Variants in KCNN1 observed in about 807,000 individuals in gnomAD.
KCNN1 encodes potassium calcium-activated channel subfamily N member 1.
KCNN1 carries 20 observed loss-of-function variants against 44.7 expected under a neutral mutation model. That is an observed-to-expected ratio of 0.45 (90% CI 0.32 to 0.65). KCNN1 has a LOEUF of 0.65. KCNN1 is among the 30% of genes least tolerant of loss of function. KCNN1 has a pLI of 0.05. For missense variants in KCNN1, 632 were observed against 785.3 expected (o/e 0.80, Z 2.33); for synonymous variants, 324 against 341.7 (o/e 0.95, Z 0.57).
intron 9 of KCNN1, among the ~76,000 whole-genome samples, chr19:17,997,604 C>T (rs1042101467): frequency 1.3e-5 from 2 of 151,300 alleles, no homozygotes; most frequent in South Asian, 2.1e-4. Flanking sequence ...TCATCCCCCC[C>T]GAGTAGCGGG....
chr19:17,952,684 C>T (rs1251278328), intron 1 of KCNN1, among the ~76,000 whole-genome samples: 1 of 152,182 alleles, frequency 6.6e-6, no homozygotes, highest in African/African-American at 2.4e-5. Context: ...GTTGCCCCCT[C>T]CTCCCTCTCT....
intron 1 of KCNN1, among the ~76,000 whole-genome samples, chr19:17,953,556 A>G (rs1489089063): frequency 2.0e-5 from 3 of 152,156 alleles, no homozygotes; most frequent in Non-Finnish European, 4.4e-5. Flanking sequence ...ATGTGCTTCT[A>G]TAAGCCCTCT....
intron 5 of KCNN1, among the ~76,000 whole-genome samples, chr19:17,986,034 A>G (rs1287259299): frequency 5.3e-5 from 8 of 151,422 alleles, no homozygotes; most frequent in Admixed American, 5.3e-4. Context: ...GTTTGAGATC[A>G]GCCTGTGACC....
upstream of KCNN1, among the ~76,000 whole-genome samples, chr19:17,962,998 G>GCCACCAC (rs1489465383): frequency 1.5e-5 from 2 of 132,802 alleles, no homozygotes; most frequent in African/African-American, 3.0e-5. Context: ...ACCACGCCCA[G>GCCACCAC]GCTTTTTTTT....
At chr19:17,992,967 G>A in intron 7 of KCNN1, 87 bp from the exon 8 acceptor site, 1 of 1,549,084 alleles carries the variant, frequency 6.5e-7, no homozygotes, top group Non-Finnish European at 8.8e-7. Context: ...TCCCCGGGAG[G>A]TGGGCAGGGT....
intron 1 of KCNN1, chr19:17,952,286 T>G (rs1011646233): frequency 7.9e-5 from 12 of 152,128 alleles, no homozygotes; most frequent in African/African-American, 2.9e-4. Flanking sequence ...TGCACTTGTC[T>G]TCGCGCTCGG....
At chr19:17,989,904 G>C in intron 7 of KCNN1, 61 bp downstream of exon 7, 2 of 1,609,842 alleles carry the variant, frequency 1.2e-6, no homozygotes, top group Non-Finnish European at 1.7e-6. Flanking sequence ...GGCAGCCCTC[G>C]CAGCTCTGTG....
Position 17,957,280 on chromosome 19 carries a change from AAG to A in KCNN1, c.-82+2608_-82+2609del, listed in dbSNP as rs535551548. Among the ~76,000 whole-genome samples, 398 of 121,452 alleles carry A rather than the reference AAG, an allele frequency of 3.3e-3. 3 individuals are homozygous for A. Among genetic ancestry groups the A allele is most frequent in the Non-Finnish European group, 5.9e-3 (335 of 56,768 alleles). 79.7% of individuals were successfully genotyped at this position (121,452 alleles called of 152,430 possible). A position where few individuals can be genotyped will look rare whatever the true frequency, so the allele number is the denominator to read the frequency against. On this transcript the variant is annotated intron_variant, in intron 2 of 10. Transcript: ENST00000222249. ...AGGGAAAGGGGAAAGGGAAAGGGAG[AAG>A]AGAGAGAGGGAGGGTAGGAGGGAGG...
Position 17,985,458 on chromosome 19 carries a change from G to C in KCNN1, c.1059+5G>C, listed in dbSNP as rs2032564303. On this transcript the variant is annotated splice_donor_5th_base_variant and intron_variant, in intron 5 of 9. Transcript: ENST00000684775. ...TGCCTGCTCACTGGCATCATGGTAA[G>C]GGTGAGGGTCCATGTGTATGATCCT... is the stretch of plus-strand genomic sequence containing the variant. 6.3e-7 allele frequency: 1 copy of C among 1,578,752 alleles called. No homozygotes were observed. The highest frequency in any genetic ancestry group is 1.3e-5 in the African/African-American group (1 of 74,178).
At chr19:17,956,594 T>TA (rs2031548688) in intron 2 of KCNN1, among the ~76,000 whole-genome samples, 2 of 151,148 alleles carry the variant, frequency 1.3e-5, no homozygotes, top group Non-Finnish European at 2.9e-5. Flanking sequence ...TTTTTTTTTT[T>TA]AAATTAACCA....
intron 4 of KCNN1, among the ~76,000 whole-genome samples, chr19:17,984,056 G>A (rs1173579371): frequency 6.6e-6 from 1 of 151,920 alleles, no homozygotes; most frequent in Non-Finnish European, 1.5e-5. Context: ...CCAGCTACTC[G>A]GGAGGCTGAA....
rs1010394918 is a variant in KCNN1 at position 17,967,301 on chromosome 19, C to T, written c.-98C>T. The T allele has an allele frequency of 4.1e-6, 4 of 985,236 alleles. No homozygotes were observed. The highest frequency in any genetic ancestry group is 6.2e-5 in the Admixed American group (1 of 16,254). 61.0% of individuals were successfully genotyped at this position (985,236 alleles called of 1,614,324 possible). The stretch of plus-strand genomic sequence containing the variant: ...TCCCCTCCAGCCTTGTCCGCCCGCT[C>T]GGGCCGAGCCCCGCAGGTACAGGGT... On this transcript the variant is annotated 5_prime_UTR_variant, in exon 1 of 10. Transcript: ENST00000684775.
At chr19:17,966,306 G>C (rs1490343250), upstream of KCNN1, among the ~76,000 whole-genome samples, 1 of 152,214 alleles carries the variant, frequency 6.6e-6, no homozygotes, top group Non-Finnish European at 1.5e-5. Context: ...GGTGGGAACA[G>C]GGTGAGGCAG....
At chr19:17,989,022 G>T (rs77939423) in intron 6 of KCNN1, among the ~76,000 whole-genome samples, 1,875 of 152,240 alleles carry the variant, frequency 0.012, 36 homozygotes, top group African/African-American at 0.042. Flanking sequence ...GTCCAGCCAT[G>T]AGCATTCAGT....
rs760148145 is a variant in KCNN1 at position 17,973,841 on chromosome 19, G to A, written c.-48G>A. ...AGGAGCCCAGCCGCTGAGCCATGCCGGGCCCCGGGCGGCCTGCAGCGAGCC... is the reference window on the plus strand; with the variant it reads ...AGGAGCCCAGCCGCTGAGCCATGCCAGGCCCCGGGCGGCCTGCAGCGAGCC... On this transcript the variant is annotated 5_prime_UTR_variant, in exon 2 of 10. Transcript: ENST00000684775. 35 of 1,538,136 alleles carry A rather than the reference G, an allele frequency of 2.3e-5. No homozygotes were observed. Among genetic ancestry groups the A allele is most frequent in the Middle Eastern group, 1.7e-4 (1 of 5,978 alleles).
chr19:17,970,679 G>C (rs974291307), intron 1 of KCNN1, among the ~76,000 whole-genome samples: 3 of 151,970 alleles, frequency 2.0e-5, no homozygotes, highest in African/African-American at 7.3e-5. Flanking sequence ...ACCCGCCTCA[G>C]CCTCCCAAAG....
intron 2 of KCNN1, among the ~76,000 whole-genome samples, chr19:17,959,586 A>G (rs565314828): frequency 1.3e-5 from 2 of 152,132 alleles, no homozygotes; most frequent in African/African-American, 4.8e-5. Context: ...TTATTTTAGT[A>G]GAGACAGGGT....
intron 3 of KCNN1, 57 bp downstream of exon 3, chr19:17,975,244 C>T: frequency 3.2e-6 from 4 of 1,267,094 alleles, no homozygotes; most frequent in Non-Finnish European, 4.6e-6. Context: ...GATCCCCCCA[C>T]ACCAGCCCAC....
rs539709939 is a variant in KCNN1, at chr19:17,998,022, C to T, written c.1378-130C>T. 1.4e-4 allele frequency: 139 copies of T among 1,020,284 alleles called. No individual in the cohort carries two copies. The highest frequency in any genetic ancestry group is 1.7e-4 in the Non-Finnish European group (128 of 734,964). The allele number at this position is 1,020,284 out of a possible 1,614,324, so 63.2% of individuals were successfully genotyped here. ...GGTATCCTCCCAGCCACCCCTCACA[C>T]GGGCCCCATTAGTGGCTGGCACCCA... On this transcript the variant is annotated intron_variant, in intron 9 of 9. Transcript: ENST00000684775. The surrounding 1 kb of genome is among the most constrained non-coding windows in gnomAD (Gnocchi z 5.4).
Sources: gnomAD v4.1 joint callset for allele counts (sites outside exome capture counted in the v4.1 genomes callset) on GRCh38, gnomAD v4.1.1 for gene constraint, Gnocchi (gnomAD v3.1) non-coding constraint, MANE v1.5 for transcripts, NCBI Gene and HGNC (gene_info 2026-07-23, HGNC 2026-07-21) for gene names.